C4orf50: variants seen among roughly 807,000 people sequenced by gnomAD.
The protein encoded by C4orf50 is chromosome 4 open reading frame 50.
A neutral mutation model predicts 77.2 loss-of-function variants in C4orf50; 80 were observed. The observed-to-expected ratio is 1.04, with a 90% CI of 0.87 to 1.25. The LOEUF (loss-of-function observed/expected upper bound fraction) is 1.25. Among genes scored for constraint, C4orf50 ranks in the 50% most tolerant of loss-of-function variants. C4orf50 has a pLI of 0.00. For missense variants in C4orf50, 1,257 were observed against 1,152.9 expected, an observed-to-expected ratio of 1.09 and a Z score of -1.31; for synonymous variants, 532 against 465.3, an observed-to-expected ratio of 1.14 and a Z score of -1.84.
At chr4:5,959,221 T>C in exon 34 of C4orf50, 1 of 891,472 alleles carries the variant, frequency 1.1e-6, no homozygotes, top group Non-Finnish European at 1.7e-6. Context: ...TCTCAAGCTC[T>C]GACAATGAAC....
chr4:6,015,984 T>G lies in C4orf50; in HGVS notation c.287+2161A>C, dbSNP rs767556504. Among the ~76,000 whole-genome samples the G allele has an allele frequency of 1.1e-4, 17 of 152,160 alleles. No individual in the cohort carries two copies. The highest frequency in any genetic ancestry group is 2.2e-4 in the Non-Finnish European group (15 of 68,032). On this transcript the variant is annotated intron_variant, in intron 23 of 33. Transcript: ENST00000531445. This position sits in a 1 kb window ranked among gnomAD's most constrained non-coding sequence, Gnocchi z 4.4. Reference sequence around the variant, plus strand: ...GCCTGCGTGAGTGTGCGCGTGGGTGTGAGTGTCCTGTTCAGGCCTTGCACC... The same window carrying G: ...GCCTGCGTGAGTGTGCGCGTGGGTGGGAGTGTCCTGTTCAGGCCTTGCACC...
chr4:5,984,495 G>A (rs1720757374), intron 28 of C4orf50, among the ~76,000 whole-genome samples: 1 of 151,984 alleles, frequency 6.6e-6, no homozygotes, highest in East Asian at 1.9e-4. Flanking sequence ...ATGTACAGAT[G>A]GACTATTTCA....
chr4:5,952,517 A>C (rs557768200), downstream of C4orf50, among the ~76,000 whole-genome samples: 43 of 152,216 alleles, frequency 2.8e-4, no homozygotes, highest in African/African-American at 9.9e-4. This position sits in a 1 kb window ranked among gnomAD's most constrained non-coding sequence, Gnocchi z 4.4. Context: ...CAGGCGGCAC[A>C]GTCAAGGGAC....
In C4orf50 at chr4:5,916,966, C is replaced by T. The variant is rs951729943; in HGVS notation, c.*2475-18778G>A. 1.3e-5 allele frequency among the ~76,000 whole-genome samples: 2 copies of T among 152,152 alleles called. No homozygotes were observed. Among genetic ancestry groups the T allele is most frequent in the African/African-American group, 4.8e-5 (2 of 41,434 alleles). The stretch of plus-strand genomic sequence containing the variant: ...AGGGTGGAAATCCAGAGCTGGCTTT[C>T]CCTAGAAGTTGGAAGTTTCCCTGGT... On this transcript the variant is annotated intron_variant, in intron 7 of 7. Transcript: ENST00000324058. This position sits in a 1 kb window ranked among gnomAD's most constrained non-coding sequence, Gnocchi z 4.4.
rs1722484587 is a variant in C4orf50, at chr4:6,011,291, C to T, written c.426+539G>A. 6.6e-6 allele frequency among the ~76,000 whole-genome samples: 1 copy of T among 152,148 alleles called. No homozygotes were observed. The highest frequency in any genetic ancestry group is 2.1e-4 in the South Asian group (1 of 4,816). ...GAACTTTCCGACTCACCCACTCCGT[C>T]CCCAGCACGGTGATATCCTCTGTGT... On this transcript the variant is annotated intron_variant, in intron 24 of 33. Coordinates refer to ENST00000531445, the Ensembl canonical transcript of C4orf50. This position sits in a 1 kb window ranked among gnomAD's most constrained non-coding sequence, Gnocchi z 4.2.
chr4:6,006,019 A>G (rs1280451910), intron 25 of C4orf50, among the ~76,000 whole-genome samples: 1 of 152,198 alleles, frequency 6.6e-6, no homozygotes, highest in African/African-American at 2.4e-5. Flanking sequence ...ATCTGTGCAC[A>G]CTTGTTTTCC....
In C4orf50 at chr4:5,989,318, G is replaced by A; in HGVS notation, c.2728C>T (p.Gln910Ter). ...GCACCCCAGGGCTCAGCAGGCCCCT[G>A]TGGAGGGTTTGGGCTGGCTTCATCC... The change falls in exon 28 of 34, where the codon CAG becomes TAG. Residue 910 changes from glutamine (Q) to a stop codon, truncating the protein, a stop_gained. Transcript: ENST00000531445. LOFTEE classifies it high-confidence loss of function. 6.5e-7 allele frequency: 1 copy of A among 1,536,040 alleles called. No homozygotes were observed. Among genetic ancestry groups the A allele is most frequent in the African/African-American group, 1.4e-5 (1 of 73,130 alleles).
rs1003396284 is a variant in C4orf50 at position 5,990,243 on chromosome 4, C to T, written c.1803G>A (p.Val601=). 1.1e-5 allele frequency: 14 copies of T among 1,235,536 alleles called. No homozygotes were observed. The African/African-American group carries it at 2.2e-4, about 19-fold the overall frequency. The allele number at this position is 1,235,536 out of a possible 1,614,324, so 76.5% of individuals were successfully genotyped here. A position where few individuals can be genotyped will look rare whatever the true frequency, so the allele number is the denominator to read the frequency against. Residue 601 remains valine (V), a synonymous_variant, in exon 28 of 34, where the codon GTG becomes GTA. Coordinates refer to ENST00000531445, the Ensembl canonical transcript of C4orf50. The stretch of plus-strand genomic sequence containing the variant: ...TCTCTGAAGCCCCATTCTGATCCTG[C>T]ACGTCCTCTGCAGCTCCAGCCCCAT...
At chr4:5,934,144 T>C (rs1344054175) in intron 7 of C4orf50, among the ~76,000 whole-genome samples, 1 of 151,998 alleles carries the variant, frequency 6.6e-6, no homozygotes, top group Non-Finnish European at 1.5e-5. Flanking sequence ...TCTCCTCATC[T>C]GTAAGAAGGG....
Position 5,900,670 on chromosome 4 carries a change from C to T in C4orf50, c.*2475-2482G>A, listed in dbSNP as rs556341189. On this transcript the variant is annotated intron_variant, in intron 7 of 7. Transcript: ENST00000324058. The surrounding 1 kb of genome is among the most constrained non-coding windows in gnomAD (Gnocchi z 4.3). The stretch of plus-strand genomic sequence containing the variant: ...TTGGAGAATACTGCATAATGACATC[C>T]GAACCACGTTCAGTCCCATTTGCAG... 21 of 152,354 alleles carry T rather than the reference C, an allele frequency of 1.4e-4. No homozygotes were observed. Among genetic ancestry groups the T allele is most frequent in the African/African-American group, 4.3e-4 (18 of 41,582 alleles). 9.4% of individuals were successfully genotyped at this position (152,354 alleles called of 1,614,324 possible).
intron 7 of C4orf50, chr4:5,903,903 T>C (rs1025013346): frequency 1.1e-4 from 17 of 152,174 alleles, no homozygotes; most frequent in African/African-American, 3.9e-4. Context: ...CCAAACATGA[T>C]ACATTTGTGG....
In C4orf50 at chr4:6,009,392, AAAAC is replaced by A. The variant is rs780587206; in HGVS notation, c.427-864_427-861del. On this transcript the variant is annotated intron_variant, in intron 24 of 33. Coordinates refer to ENST00000531445, the Ensembl canonical transcript of C4orf50. This position sits in a 1 kb window ranked among gnomAD's most constrained non-coding sequence, Gnocchi z 5.6. Reference sequence around the variant, plus strand: ...TCTGCCGGGGAGCTTCCGGAAAACAAAAACAAACAAACTAAGAGCAAACGTGAAA... The same window carrying A: ...TCTGCCGGGGAGCTTCCGGAAAACAAAAACAAACTAAGAGCAAACGTGAAA... Among the ~76,000 whole-genome samples, 80 of 152,216 alleles carry A rather than the reference AAAAC, an allele frequency of 5.3e-4. 1 individual carries two copies. The highest frequency in any genetic ancestry group is 2.8e-4 in the Non-Finnish European group (19 of 68,032).
rs1247030314 is a variant in C4orf50 at position 6,018,051 on chromosome 4, G to C, written c.287+94C>G. 1.3e-5 allele frequency: 5 copies of C among 397,590 alleles called. No homozygotes were observed. In the Admixed American group the frequency reaches 1.8e-4, roughly 14 times the overall value. 24.6% of individuals were successfully genotyped at this position (397,590 alleles called of 1,614,324 possible). ...TGTCTTTGGTGAGCCAGTTTCCCCA[G>C]CTGTGTGGTGTGATTCAACACACCA... is the stretch of plus-strand genomic sequence containing the variant. On this transcript the variant is annotated intron_variant, in intron 23 of 33. Transcript: ENST00000531445. The surrounding 1 kb of genome is among the most constrained non-coding windows in gnomAD (Gnocchi z 5.1).
chr4:5,989,494 C>G, exon 28 of C4orf50: 1 of 1,536,124 alleles, frequency 6.5e-7, no homozygotes, highest in Non-Finnish European at 8.7e-7. Context: ...AGAGTGAGCT[C>G]TCTCCCAGCC....
chr4:5,980,284 G>C (rs1451610398), exon 29 of C4orf50: 1 of 1,612,918 alleles, frequency 6.2e-7, no homozygotes. Flanking sequence ...TGATGGAGCT[G>C]CTGGGCCCGC....
intron 7 of C4orf50, among the ~76,000 whole-genome samples, chr4:5,913,687 G>T (rs1168780957): frequency 6.6e-6 from 1 of 152,144 alleles, no homozygotes; most frequent in Admixed American, 6.5e-5. Flanking sequence ...TGGGTGTATT[G>T]ATCCTATTTA....
At chr4:5,931,637 C>T (rs1424656962) in intron 7 of C4orf50, among the ~76,000 whole-genome samples, 1 of 152,172 alleles carries the variant, frequency 6.6e-6, no homozygotes, top group Non-Finnish European at 1.5e-5. Context: ...TCCTTCCACA[C>T]ACTAGCCATC....
intron 7 of C4orf50, among the ~76,000 whole-genome samples, chr4:5,943,602 G>A (rs1462457535): frequency 1.3e-5 from 2 of 152,154 alleles, no homozygotes; most frequent in African/African-American, 4.8e-5. Flanking sequence ...TCTCCTCACA[G>A]CTGTGAGAAT....
chr4:5,965,001 T>C, intron 33 of C4orf50, 23 bp downstream of exon 11: 1 of 1,600,090 alleles, frequency 6.2e-7, no homozygotes, highest in Non-Finnish European at 8.5e-7. Context: ...ATTTAGGAAA[T>C]GAGGTGACAG....
Sources: allele counts gnomAD v4.1 joint callset (sites outside exome capture counted in the v4.1 genomes callset), GRCh38; gene constraint gnomAD v4.1.1; non-coding constraint Gnocchi (gnomAD v3.1); transcripts MANE v1.5; gene names NCBI Gene and HGNC (gene_info 2026-07-23, HGNC 2026-07-21).